SCLT1: variants seen among roughly 807,000 people sequenced by gnomAD.
SCLT1 encodes the protein sodium channel and clathrin linker 1.
In SCLT1, 78 loss-of-function variants were observed where a neutral mutation model predicts 112.8. The observed-to-expected ratio is 0.69, with a 90% CI of 0.58 to 0.83. The LOEUF is 0.83. SCLT1 is among the 40% of genes least tolerant of loss of function. SCLT1 has a pLI of 0.00. For missense variants in SCLT1, 747 were observed against 770.4 expected (o/e 0.97, Z 0.36); for synonymous variants, 257 against 254.7 (o/e 1.01, Z -0.09).
At chr4:128,894,822 C>A (rs542213498) in intron 18 of SCLT1, among the ~76,000 whole-genome samples, 146 of 152,134 alleles carry the variant, frequency 9.6e-4, no homozygotes, top group Non-Finnish European at 1.4e-3. Flanking sequence ...GGATTACAGG[C>A]ACCCACCACC....
At chr4:129,002,039 A>T (rs1743537312) in intron 6 of SCLT1, among the ~76,000 whole-genome samples, 1 of 152,040 alleles carries the variant, frequency 6.6e-6, no homozygotes, top group South Asian at 2.1e-4. Context: ...CATGTTCCTT[A>T]TCAAGCTAAA....
At chr4:128,996,562 T>G (rs1182866408) in intron 8 of SCLT1, among the ~76,000 whole-genome samples, 8 of 152,166 alleles carry the variant, frequency 5.3e-5, no homozygotes, top group Admixed American at 5.2e-4. Context: ...CTTATCACTT[T>G]GCTTGCTCCC....
At chr4:129,092,066 T>A (rs1210868713) in intron 1 of SCLT1, among the ~76,000 whole-genome samples, 1 of 152,254 alleles carries the variant, frequency 6.6e-6, no homozygotes, top group Non-Finnish European at 1.5e-5. Context: ...AGTAGACAAC[T>A]AACTGCACTC....
At chr4:128,928,568 G>A (rs1736488267) in intron 18 of SCLT1, among the ~76,000 whole-genome samples, 1 of 151,716 alleles carries the variant, frequency 6.6e-6, no homozygotes, top group Non-Finnish European at 1.5e-5. Context: ...TGTAGGCTTT[G>A]CATGCTGGCT....
chr4:129,055,048 G>A (rs1749225581), intron 2 of SCLT1, among the ~76,000 whole-genome samples: 1 of 152,170 alleles, frequency 6.6e-6, no homozygotes, highest in Non-Finnish European at 1.5e-5. Context: ...GTTTGCTGGA[G>A]GTCCACTCCA....
At chr4:128,909,513 G>A (rs1373614443) in intron 18 of SCLT1, among the ~76,000 whole-genome samples, 1 of 152,174 alleles carries the variant, frequency 6.6e-6, no homozygotes, top group Non-Finnish European at 1.5e-5. Context: ...TCTCCCAAAT[G>A]CTGGGATAAC....
At chr4:129,042,521 A>G (rs1049000499) in intron 4 of SCLT1, among the ~76,000 whole-genome samples, 1 of 152,222 alleles carries the variant, frequency 6.6e-6, no homozygotes, top group South Asian at 2.1e-4. Flanking sequence ...AGACAGTTTT[A>G]GGTTAAAAAA....
At chr4:128,929,468 T>C (rs1736581103) in intron 18 of SCLT1, among the ~76,000 whole-genome samples, 1 of 152,162 alleles carries the variant, frequency 6.6e-6, no homozygotes, top group Non-Finnish European at 1.5e-5. Flanking sequence ...AATTCTAATA[T>C]GAATACAGAA....
At chr4:128,926,703 ATATT>A (rs1157609206) in intron 18 of SCLT1, among the ~76,000 whole-genome samples, 1 of 152,056 alleles carries the variant, frequency 6.6e-6, no homozygotes, top group African/African-American at 2.4e-5. Context: ...CTGTTCATAT[ATATT>A]TATTACTTTG....
chr4:129,037,349 A>T (rs1337633878), intron 5 of SCLT1: 1 of 152,150 alleles, frequency 6.6e-6, no homozygotes, highest in Non-Finnish European at 1.5e-5. Context: ...TTGCAGCTGA[A>T]GTTGTGGATA....
chr4:128,942,815 G>A (rs978778574), intron 17 of SCLT1, among the ~76,000 whole-genome samples, 181 bp downstream of exon 17: 4 of 152,078 alleles, frequency 2.6e-5, no homozygotes, highest in Non-Finnish European at 4.4e-5. Flanking sequence ...TCATTTTCAA[G>A]TATGCCTGCC....
intron 5 of SCLT1, among the ~76,000 whole-genome samples, chr4:129,023,689 G>T (rs890592143): frequency 6.6e-6 from 1 of 152,164 alleles, no homozygotes; most frequent in Admixed American, 6.5e-5. Context: ...AGTGGGTGCA[G>T]GACAGTGGGT....
rs186055287 is a variant in SCLT1, at chr4:129,007,816, T to G, written c.291-3940A>C. Among the ~76,000 whole-genome samples the G allele has an allele frequency of 3.0e-3, 463 of 152,284 alleles. 3 individuals are homozygous for G. The highest frequency in any genetic ancestry group is 5.5e-3 in the Non-Finnish European group (376 of 68,006). On this transcript the variant is annotated intron_variant, in intron 5 of 20. Transcript: ENST00000281142. ...AAAAAACAAAACAAAACACCTCTCTTTTTGTTCCTATTCTTTCTTATTAAC... is the reference window on the plus strand; with the variant it reads ...AAAAAACAAAACAAAACACCTCTCTGTTTGTTCCTATTCTTTCTTATTAAC...
chr4:129,087,220 T>C (rs1180798647), intron 1 of SCLT1, among the ~76,000 whole-genome samples: 1 of 152,180 alleles, frequency 6.6e-6, no homozygotes, highest in Non-Finnish European at 1.5e-5. Flanking sequence ...ATGTGAGACC[T>C]GCAGAGGTTC....
intron 18 of SCLT1, among the ~76,000 whole-genome samples, chr4:128,924,215 C>T (rs1025487809): frequency 6.6e-5 from 10 of 150,732 alleles, no homozygotes; most frequent in Admixed American, 6.6e-4. Flanking sequence ...AGTCTTTTTT[C>T]ATTTTCTTAA....
rs1743723991 is a variant in SCLT1, at chr4:129,003,599, T to C, written c.426+142A>G. ...TGAGGGTATTTATTACAAGTGTTGC[T>C]ACCTGTAACGATTCTTATAAACTGT... On this transcript the variant is annotated intron_variant, in intron 6 of 20. Transcript: ENST00000281142. 9.5e-6 allele frequency: 6 copies of C among 633,980 alleles called. No individual in the cohort carries two copies. In the East Asian group the frequency reaches 1.8e-4, roughly 19 times the overall value. The allele number at this position is 633,980 out of a possible 1,614,324, so 39.3% of individuals were successfully genotyped here. A position where few individuals can be genotyped will look rare whatever the true frequency, so the allele number is the denominator to read the frequency against.
At chr4:129,023,657 A>T (rs1745704205) in intron 5 of SCLT1, among the ~76,000 whole-genome samples, 1 of 152,198 alleles carries the variant, frequency 6.6e-6, no homozygotes. Flanking sequence ...TACTGGGTTC[A>T]TCTCACTAGG....
intron 2 of SCLT1, among the ~76,000 whole-genome samples, chr4:129,073,035 G>A (rs1751160349): frequency 6.6e-6 from 1 of 152,092 alleles, no homozygotes; most frequent in Non-Finnish European, 1.5e-5. Context: ...TATGGATGTG[G>A]TTTCCTGAGA....
intron 20 of SCLT1, among the ~76,000 whole-genome samples, chr4:128,887,927 A>T (rs1404048865): frequency 6.6e-6 from 1 of 152,188 alleles, no homozygotes; most frequent in Non-Finnish European, 1.5e-5. Context: ...ATTCAAAGCA[A>T]TATTATCTAC....
Sources: allele counts gnomAD v4.1 joint callset (sites outside exome capture counted in the v4.1 genomes callset), GRCh38; gene constraint gnomAD v4.1.1; transcripts MANE v1.5; gene names NCBI Gene and HGNC (gene_info 2026-07-23, HGNC 2026-07-21).